Variants in SLC44A5 observed in about 807,000 individuals in gnomAD.
SLC44A5 encodes the protein choline transporter-like protein 5.
A neutral mutation model predicts 101.8 loss-of-function variants in SLC44A5; 57 were observed. The ratio of observed to expected loss-of-function variants is 0.56; its 90% CI spans 0.45 to 0.70. The LOEUF (loss-of-function observed/expected upper bound fraction) is 0.70. SLC44A5 is among the 30% of genes least tolerant of loss of function. The probability of loss-of-function intolerance (pLI) is 0.00; values close to 1 mark genes in which losing one functional copy is unlikely to be tolerated. For missense variants in SLC44A5, 737 were observed against 853.1 expected (o/e 0.86, Z 1.70); for synonymous variants, 281 against 290.9 (o/e 0.97, Z 0.35).
chr1:75,396,715 T>C, intron 2 of SLC44A5, 94 bp from the exon 3 acceptor site: 2 of 957,116 alleles, frequency 2.1e-6, no homozygotes, highest in Admixed American at 1.8e-5. Context: ...AAAATCTTAG[T>C]CTTTAGACTA....
chr1:75,388,254 A>T (rs1307794969), intron 3 of SLC44A5, among the ~76,000 whole-genome samples: 2 of 142,252 alleles, frequency 1.4e-5, no homozygotes, highest in Non-Finnish European at 3.1e-5. Flanking sequence ...AAACAGTATT[A>T]AAAAAAAAAA....
intron 3 of SLC44A5, among the ~76,000 whole-genome samples, chr1:75,355,495 T>C (rs1658998506): frequency 6.6e-6 from 1 of 152,210 alleles, no homozygotes; most frequent in Non-Finnish European, 1.5e-5. Context: ...GATATTTCCA[T>C]TAATGTGAGA....
chr1:75,546,593 A>G (rs981658836), intron 1 of SLC44A5, among the ~76,000 whole-genome samples: 2 of 152,148 alleles, frequency 1.3e-5, no homozygotes, highest in African/African-American at 4.8e-5. Flanking sequence ...TACATTTCCA[A>G]TGTAACATGT....
chr1:75,215,837 T>C lies in SLC44A5; in HGVS notation c.1645A>G (p.Lys549Glu), dbSNP rs758521663. 3.1e-6 allele frequency: 5 copies of C among 1,600,754 alleles called. No homozygotes were observed. The South Asian group carries it at 5.5e-5, about 18-fold the overall frequency. ...CATCTCAGGCAGCATTGTAGGAATT[T>C]AGACAATGTGTTCTGGGTACCTATG... is the stretch of plus-strand genomic sequence containing the variant. The part of the protein sequence containing the change: ...RLKRTQNTLS[K>E]FLQCCLRCCF... The change falls in exon 19 of 24, where the codon AAA becomes GAA. Residue 549 changes from lysine (K) to glutamate (E), a missense_variant. Lys to Glu is a moderately conservative substitution (Grantham distance 56, BLOSUM62 1). Around this residue, in one of 3 missense-constraint regions of SLC44A5, gnomAD observed 665 missense variants for 764.4 expected, o/e 0.87. Transcript: ENST00000370859.
At chr1:75,409,037 C>A (rs1663098316) in intron 2 of SLC44A5, among the ~76,000 whole-genome samples, 1 of 152,074 alleles carries the variant, frequency 6.6e-6, no homozygotes, top group Non-Finnish European at 1.5e-5. Context: ...AAATCACATC[C>A]TTTGCAGCAA....
At chr1:75,544,370 G>A (rs1671529234) in intron 1 of SLC44A5, among the ~76,000 whole-genome samples, 1 of 152,130 alleles carries the variant, frequency 6.6e-6, no homozygotes, top group South Asian at 2.1e-4. Flanking sequence ...TACCCAATCT[G>A]TGGTATTCTG....
chr1:75,325,265 T>A (rs1448296313), intron 4 of SLC44A5, among the ~76,000 whole-genome samples: 1 of 152,142 alleles, frequency 6.6e-6, no homozygotes, highest in African/African-American at 2.4e-5. Flanking sequence ...TTTCAACTTG[T>A]ATGAATAACA....
rs377338126 is a variant in SLC44A5, at chr1:75,568,908, T to C, written c.-69-27392A>G. Among the ~76,000 whole-genome samples the C allele has an allele frequency of 1.4e-4, 22 of 152,328 alleles. No individual in the cohort carries two copies. The East Asian group carries it at 1.5e-3, about 11-fold the overall frequency. On this transcript the variant is annotated intron_variant, in intron 1 of 23. Transcript: ENST00000370859. The stretch of plus-strand genomic sequence containing the variant: ...CATTTATCACCAATCTCCATCAATA[T>C]TTATATGAGCATCTCCTTACAATTT...
chr1:75,353,803 C>T (rs1238540985), intron 3 of SLC44A5, among the ~76,000 whole-genome samples: 2 of 152,198 alleles, frequency 1.3e-5, no homozygotes, highest in African/African-American at 2.4e-5. Flanking sequence ...TTAATATGTA[C>T]ACTTCTAAGC....
At position 75,531,892 on chromosome 1, in the gene SLC44A5, C is replaced by G. The variant is rs574122577; in HGVS notation, c.13+9543G>C. 2.0e-5 allele frequency among the ~76,000 whole-genome samples: 3 copies of G among 152,192 alleles called. No individual in the cohort carries two copies. The South Asian group carries it at 6.2e-4, about 32-fold the overall frequency. On this transcript the variant is annotated intron_variant, in intron 2 of 23. Coordinates refer to ENST00000370859, the MANE Select transcript of SLC44A5 (RefSeq NM_001130058.2). ...ACTCAAGAAAGAGGTGGGTAAGAAA[C>G]AAGGCACAGAATGCTGGGAGCCAAA...
chr1:75,264,435 C>T (rs1336288674), intron 6 of SLC44A5, among the ~76,000 whole-genome samples: 3 of 152,172 alleles, frequency 2.0e-5, no homozygotes, highest in Non-Finnish European at 4.4e-5. Context: ...AAATTAAAAT[C>T]ATATCAAGTT....
At chr1:75,490,437 A>G (rs1668367904) in intron 2 of SLC44A5, among the ~76,000 whole-genome samples, 1 of 152,178 alleles carries the variant, frequency 6.6e-6, no homozygotes, top group Non-Finnish European at 1.5e-5. Flanking sequence ...TAAAAAACAC[A>G]CTGGGACAAT....
At chr1:75,314,566 C>A (rs1051337677) in intron 4 of SLC44A5, among the ~76,000 whole-genome samples, 2 of 152,042 alleles carry the variant, frequency 1.3e-5, no homozygotes, top group African/African-American at 2.4e-5. Flanking sequence ...AGGTGAGATA[C>A]AACTTAAAGA....
chr1:75,713,881 C>T, the SLC44A5 span, among the ~76,000 whole-genome samples: 2 of 151,736 alleles, frequency 1.3e-5, no homozygotes, highest in Non-Finnish European at 2.9e-5. Context: ...CAGCTGAATG[C>T]AACCTTAACC....
chr1:75,330,555 T>G lies in SLC44A5; in HGVS notation c.101+9027A>C, dbSNP rs548074013. 8.5e-5 allele frequency among the ~76,000 whole-genome samples: 13 copies of G among 152,296 alleles called. 1 individual carries two copies. In the South Asian group the frequency reaches 2.7e-3, roughly 32 times the overall value. ...GTGTTCTGGACTCTGTCTTTAGGAC[T>G]TTGTCTCCATAATTTCTTCTTTATC... On this transcript the variant is annotated intron_variant, in intron 4 of 23. Coordinates refer to ENST00000370859, the MANE Select transcript of SLC44A5 (RefSeq NM_001130058.2).
chr1:75,677,131 C>G, the SLC44A5 span, among the ~76,000 whole-genome samples: 1 of 151,912 alleles, frequency 6.6e-6, no homozygotes, highest in Non-Finnish European at 1.5e-5. Context: ...AAGAAAAGGA[C>G]ATTAATGAGC....
intron 4 of SLC44A5, among the ~76,000 whole-genome samples, chr1:75,332,875 G>T (rs1657154374): frequency 6.6e-6 from 1 of 152,170 alleles, no homozygotes; most frequent in Non-Finnish European, 1.5e-5. Context: ...CTAAAGTGTT[G>T]TTATCAAGTA....
At chr1:75,466,912 T>A (rs1044845624) in intron 2 of SLC44A5, among the ~76,000 whole-genome samples, 1 of 152,130 alleles carries the variant, frequency 6.6e-6, no homozygotes, top group Non-Finnish European at 1.5e-5. Context: ...TATTTGCAGA[T>A]GATATGATTT....
chr1:75,274,816 C>A, intron 6 of SLC44A5, 142 bp downstream of exon 6: 1 of 648,202 alleles, frequency 1.5e-6, no homozygotes, highest in Non-Finnish European at 2.7e-6. Context: ...CTGCTTATAG[C>A]TATCTGTTAG....
Sources: allele counts gnomAD v4.1 joint callset (sites outside exome capture counted in the v4.1 genomes callset), GRCh38; gene constraint gnomAD v4.1.1; regional missense constraint gnomAD v4.1.1; transcripts MANE v1.5; gene names NCBI Gene and HGNC (gene_info 2026-07-23, HGNC 2026-07-21).